TENM3: variants seen among roughly 807,000 people sequenced by gnomAD.
TENM3 encodes teneurin transmembrane protein 3, also known as teneurin-3.
TENM3 carries 63 observed loss-of-function variants against 255.1 expected under a neutral mutation model. The observed-to-expected ratio is 0.25, with a 90% CI of 0.20 to 0.30. The LOEUF is 0.30. Among genes scored for constraint, TENM3 ranks in the 10% least tolerant of loss-of-function variants. The pLI is 1.00. For missense variants in TENM3, 2,929 were observed against 3,461.1 expected (o/e 0.85, Z 3.86); for synonymous variants, 1,306 against 1,322.3 (o/e 0.99, Z 0.27).
chr4:182,555,180 G>A (rs905212753), intron 3 of TENM3, among the ~76,000 whole-genome samples: 1 of 152,094 alleles, frequency 6.6e-6, no homozygotes, highest in Non-Finnish European at 1.5e-5. Context: ...GACTGAAGGA[G>A]GCAAGCGAGT....
At chr4:182,760,465 C>T (rs988899586) in intron 22 of TENM3, among the ~76,000 whole-genome samples, 1 of 152,114 alleles carries the variant, frequency 6.6e-6, no homozygotes, top group Non-Finnish European at 1.5e-5. Flanking sequence ...TATCTAGAGG[C>T]TCTTCTGTCT....
At chr4:181,598,236 C>G in the TENM3 span, among the ~76,000 whole-genome samples, 1 of 152,222 alleles carries the variant, frequency 6.6e-6, no homozygotes, top group Non-Finnish European at 1.5e-5. Context: ...ATTCAACAAA[C>G]TGCTAACTCT....
the TENM3 span, among the ~76,000 whole-genome samples, chr4:181,709,699 A>C: frequency 6.6e-6 from 1 of 152,268 alleles, no homozygotes; most frequent in Non-Finnish European, 1.5e-5. Context: ...GATGTGGATC[A>C]TAGGAGGGGA....
At chr4:182,419,827 A>C (rs918459627) in intron 3 of TENM3, among the ~76,000 whole-genome samples, 3 of 143,398 alleles carry the variant, frequency 2.1e-5, no homozygotes, top group Non-Finnish European at 4.5e-5. Context: ...CAATGAGAAC[A>C]CTTGGACACG....
At chr4:182,304,120 TA>T (rs565830665) in intron 1 of TENM3, among the ~76,000 whole-genome samples, 197 of 142,404 alleles carry the variant, frequency 1.4e-3, no homozygotes, top group Admixed American at 1.1e-3. Context: ...GATTGGCAAG[TA>T]AAAAAAAAAA....
chr4:182,788,710 C>A (rs1765871588), intron 24 of TENM3, among the ~76,000 whole-genome samples: 1 of 152,182 alleles, frequency 6.6e-6, no homozygotes, highest in African/African-American at 2.4e-5. Context: ...TTTAATGTAG[C>A]CATGATTAAT....
the TENM3 span, among the ~76,000 whole-genome samples, chr4:181,538,969 G>A: frequency 1.3e-5 from 2 of 152,180 alleles, no homozygotes; most frequent in Non-Finnish European, 2.9e-5. Flanking sequence ...AAAGTAAGTA[G>A]TAACTAAAAT....
At chr4:182,486,710 G>A (rs1337883804) in intron 3 of TENM3, among the ~76,000 whole-genome samples, 1 of 152,126 alleles carries the variant, frequency 6.6e-6, no homozygotes, top group Non-Finnish European at 1.5e-5. Context: ...GTTTCCATCT[G>A]GACTGTGTCT....
intron 1 of TENM3, among the ~76,000 whole-genome samples, chr4:182,285,911 T>A (rs1352763707): frequency 6.6e-6 from 1 of 152,128 alleles, no homozygotes; most frequent in Non-Finnish European, 1.5e-5. Context: ...AAATAATAAT[T>A]ACAATCGATT....
the TENM3 span, among the ~76,000 whole-genome samples, chr4:181,560,210 T>C: frequency 1.4e-5 from 1 of 72,508 alleles, no homozygotes; most frequent in African/African-American, 3.5e-5. Context: ...CTTCTCACTG[T>C]GGCTTCACAT....
the TENM3 span, among the ~76,000 whole-genome samples, chr4:181,792,895 G>GA: frequency 1.4e-4 from 21 of 151,662 alleles, no homozygotes; most frequent in Admixed American, 3.9e-4. Flanking sequence ...ATAAAGGTTG[G>GA]AAAAAATCCA....
the TENM3 span, among the ~76,000 whole-genome samples, chr4:181,796,923 T>C: frequency 2.0e-5 from 3 of 152,164 alleles, no homozygotes; most frequent in Non-Finnish European, 4.4e-5. Flanking sequence ...GTCTAGAAAC[T>C]GCCTTTTGTA....
chr4:181,666,709 C>G, the TENM3 span, among the ~76,000 whole-genome samples: 1 of 151,352 alleles, frequency 6.6e-6, no homozygotes. Flanking sequence ...TTTTTTTTTT[C>G]TGAAAGAAGT....
chr4:181,811,637 G>A, the TENM3 span, among the ~76,000 whole-genome samples: 1 of 152,212 alleles, frequency 6.6e-6, no homozygotes, highest in East Asian at 1.9e-4. Context: ...GACAAAGCAT[G>A]AGCAAAAGGG....
chr4:181,877,903 G>A, the TENM3 span, among the ~76,000 whole-genome samples: 5 of 152,198 alleles, frequency 3.3e-5, no homozygotes, highest in Non-Finnish European at 5.9e-5. Flanking sequence ...CCAGACTAAG[G>A]ACAGGGTTTG....
intron 3 of TENM3, among the ~76,000 whole-genome samples, chr4:182,468,982 AAATT>A (rs1732866689): frequency 2.0e-5 from 3 of 152,108 alleles, no homozygotes; most frequent in Admixed American, 6.5e-5. Context: ...GTTAAAGAAA[AAATT>A]AATCTCTATA....
the TENM3 span, among the ~76,000 whole-genome samples, chr4:181,772,998 C>A: frequency 4.6e-5 from 7 of 152,122 alleles, 1 homozygote; most frequent in Non-Finnish European, 8.8e-5. Context: ...GGGCACCCCC[C>A]CAAAAAATAT....
At chr4:182,086,342 C>T in the TENM3 span, among the ~76,000 whole-genome samples, 343 of 152,246 alleles carry the variant, frequency 2.3e-3, no homozygotes, top group African/African-American at 8.0e-3. Context: ...GCTAAGACAC[C>T]ACACCCGAGT....
At chr4:182,672,867 T>G (rs1755332835) in intron 6 of TENM3, 138 bp from the exon 7 acceptor site, 4 of 640,618 alleles carry the variant, frequency 6.2e-6, no homozygotes, top group Non-Finnish European at 1.1e-5. Flanking sequence ...AAGTGCAAAT[T>G]TTATGAAAGT....
Sources: allele counts gnomAD v4.1 joint callset (sites outside exome capture counted in the v4.1 genomes callset), GRCh38; gene constraint gnomAD v4.1.1; transcripts MANE v1.5; gene names NCBI Gene and HGNC (gene_info 2026-07-23, HGNC 2026-07-21).